Variants in SLC6A11 observed in about 807,000 individuals in gnomAD.
The protein encoded by SLC6A11 is solute carrier family 6 member 11.
A neutral mutation model predicts 74.8 loss-of-function variants in SLC6A11; 25 were observed. That is an observed-to-expected ratio of 0.33 (90% CI 0.24 to 0.47). The LOEUF (loss-of-function observed/expected upper bound fraction) is 0.47. Ranked by LOEUF, SLC6A11 falls within the 20% of genes least tolerant of loss-of-function variation. SLC6A11 has a pLI of 1.00. For missense variants in SLC6A11, 574 were observed against 837.0 expected (o/e 0.69, Z 3.88); for synonymous variants, 330 against 330.2 (o/e 1.00, Z 0.01).
intron 5 of SLC6A11, among the ~76,000 whole-genome samples, chr3:10,863,624 G>A (rs1210045073): frequency 6.6e-6 from 1 of 152,104 alleles, no homozygotes; most frequent in Non-Finnish European, 1.5e-5. Context: ...CTGCCTGGAT[G>A]GCCTCTTACT....
In SLC6A11 at chr3:10,819,836, G is replaced by A. The variant is rs774805070; in HGVS notation, c.516G>A (p.Gly172=). Residue 172 remains glycine (G), a synonymous_variant, in exon 3 of 14, where the codon GGG becomes GGA. Coordinates refer to ENST00000254488, the MANE Select transcript of SLC6A11 (RefSeq NM_014229.3). ...FTTELPWATC[G]HEWNTENCVE... is the part of the protein sequence containing the mutation. ...CTGAGCTACCCTGGGCTACCTGTGG[G>A]CATGAGTGGAACACAGGTATGGCCC... 1.2e-6 allele frequency: 2 copies of A among 1,614,014 alleles called. No homozygotes were observed. The highest frequency in any genetic ancestry group is 1.7e-6 in the Non-Finnish European group (2 of 1,179,910).
intron 6 of SLC6A11, among the ~76,000 whole-genome samples, chr3:10,896,480 T>C (rs1350719305): frequency 6.6e-6 from 1 of 152,220 alleles, no homozygotes; most frequent in Non-Finnish European, 1.5e-5. Context: ...CTCAAAGAGG[T>C]GACCTCCTCA....
At chr3:10,908,744 G>T (rs1286409313) in intron 6 of SLC6A11, among the ~76,000 whole-genome samples, 1 of 152,148 alleles carries the variant, frequency 6.6e-6, no homozygotes, top group East Asian at 1.9e-4. Context: ...GTGACACAGG[G>T]TTCTGCACAG....
At chr3:10,909,840 C>A (rs1475803866) in intron 6 of SLC6A11, among the ~76,000 whole-genome samples, 1 of 152,248 alleles carries the variant, frequency 6.6e-6, no homozygotes, top group East Asian at 1.9e-4. Context: ...AAAAATACAA[C>A]CACTTCTTCT....
chr3:10,867,369 T>C (rs11706246), intron 5 of SLC6A11, among the ~76,000 whole-genome samples: 7,911 of 152,256 alleles, frequency 0.052, 348 homozygotes, highest in African/African-American at 0.12. Flanking sequence ...GGAGAGATTT[T>C]TGTCTGCCTA....
At chr3:10,839,182 C>G (rs896985677) in intron 4 of SLC6A11, among the ~76,000 whole-genome samples, 16 of 152,168 alleles carry the variant, frequency 1.1e-4, no homozygotes, top group African/African-American at 2.9e-4. Flanking sequence ...GGTGAACTAG[C>G]CCAGTTACAC....
intron 5 of SLC6A11, among the ~76,000 whole-genome samples, chr3:10,859,010 A>T (rs1559562301): frequency 6.6e-6 from 1 of 152,222 alleles, no homozygotes; most frequent in Non-Finnish European, 1.5e-5. Context: ...AGATCAGCTT[A>T]TGAAGGGATT....
intron 4 of SLC6A11, among the ~76,000 whole-genome samples, chr3:10,831,900 T>G (rs776188386): frequency 1.4e-4 from 22 of 152,204 alleles, no homozygotes; most frequent in Non-Finnish European, 1.5e-4. Flanking sequence ...AAATGAAGCA[T>G]GCTTTCTGAA....
intron 6 of SLC6A11, among the ~76,000 whole-genome samples, chr3:10,897,818 G>T (rs1695188779): frequency 6.6e-6 from 1 of 152,212 alleles, no homozygotes; most frequent in African/African-American, 2.4e-5. Context: ...CTGTGTAGGG[G>T]TTCTGACCCC....
intron 8 of SLC6A11, among the ~76,000 whole-genome samples, chr3:10,924,666 A>T (rs1024759951): frequency 4.6e-5 from 7 of 152,228 alleles, no homozygotes; most frequent in Non-Finnish European, 7.3e-5. Context: ...ACCTAATGAA[A>T]AAAAAAGGAC....
chr3:10,855,219 C>T (rs570681537), intron 5 of SLC6A11, among the ~76,000 whole-genome samples: 1 of 152,268 alleles, frequency 6.6e-6, no homozygotes, highest in Non-Finnish European at 1.5e-5. Flanking sequence ...TACAAGCATC[C>T]TGTGGAGTAG....
intron 1 of SLC6A11, among the ~76,000 whole-genome samples, chr3:10,817,463 C>T (rs968177206): frequency 1.3e-5 from 2 of 152,178 alleles, no homozygotes; most frequent in Non-Finnish European, 2.9e-5. Context: ...CCTGTCATAT[C>T]GGCAGGACAG....
chr3:10,929,684 G>A (rs1209511886), intron 10 of SLC6A11, among the ~76,000 whole-genome samples: 1 of 152,164 alleles, frequency 6.6e-6, no homozygotes, highest in Non-Finnish European at 1.5e-5. Flanking sequence ...TCAGCTACTG[G>A]CCCCTACAGC....
In SLC6A11 at chr3:10,816,832, C is replaced by T. The variant is rs1243104904; in HGVS notation, c.256+311C>T. 1.3e-5 allele frequency among the ~76,000 whole-genome samples: 2 copies of T among 152,230 alleles called. No homozygotes were observed. Among genetic ancestry groups the T allele is most frequent in the Non-Finnish European group, 2.9e-5 (2 of 68,034 alleles). ...GCTTTGGGTAGGCGCCCTGGTGTTT[C>T]GGGCACTTGGCCCCTTGGAGCCTCA... On this transcript the variant is annotated intron_variant, in intron 1 of 13. Coordinates refer to ENST00000254488, the MANE Select transcript of SLC6A11 (RefSeq NM_014229.3). The surrounding 1 kb of genome is among the most constrained non-coding windows in gnomAD (Gnocchi z 4.2).
At chr3:10,920,417 C>T (rs901031) in intron 8 of SLC6A11, among the ~76,000 whole-genome samples, 5,778 of 152,206 alleles carry the variant, frequency 0.038, 229 homozygotes, top group East Asian at 0.16. Context: ...TTATCCTTGG[C>T]ATTATGTAGG....
intron 6 of SLC6A11, among the ~76,000 whole-genome samples, chr3:10,902,020 T>A (rs1695246235): frequency 6.6e-6 from 1 of 152,228 alleles, no homozygotes; most frequent in African/African-American, 2.4e-5. Flanking sequence ...ATAAGTTGTA[T>A]TTTTGCCTCA....
intron 6 of SLC6A11, among the ~76,000 whole-genome samples, chr3:10,889,582 A>G (rs927457625): frequency 2.0e-5 from 3 of 152,082 alleles, no homozygotes; most frequent in Non-Finnish European, 2.9e-5. Flanking sequence ...CTAAAACCTT[A>G]TTACTACTGA....
At chr3:10,849,578 C>G (rs1190493889) in intron 5 of SLC6A11, among the ~76,000 whole-genome samples, 1 of 152,146 alleles carries the variant, frequency 6.6e-6, no homozygotes, top group Admixed American at 6.5e-5. Context: ...TTCATTAGCT[C>G]CCTAGCACCT....
intron 6 of SLC6A11, among the ~76,000 whole-genome samples, chr3:10,897,978 C>A (rs947919249): frequency 2.0e-5 from 3 of 152,216 alleles, no homozygotes; most frequent in Non-Finnish European, 4.4e-5. Flanking sequence ...TATGTGCACT[C>A]CCAGGCTCAA....
Sources: allele counts gnomAD v4.1 joint callset (sites outside exome capture counted in the v4.1 genomes callset), GRCh38; gene constraint gnomAD v4.1.1; non-coding constraint Gnocchi (gnomAD v3.1); transcripts MANE v1.5; gene names NCBI Gene and HGNC (gene_info 2026-07-23, HGNC 2026-07-21).